Variants in ITSN2 observed in about 807,000 individuals in gnomAD.
ITSN2 encodes intersectin 2.
In ITSN2, 156 loss-of-function variants were observed where a neutral mutation model predicts 243.7. The observed-to-expected ratio is 0.64, with a 90% CI of 0.56 to 0.73. The LOEUF is 0.73. ITSN2 is among the 30% of genes least tolerant of loss of function. The probability of loss-of-function intolerance (pLI) is 0.00; values close to 1 mark genes in which losing one functional copy is unlikely to be tolerated. For missense variants in ITSN2, 1,801 were observed against 1,996.1 expected, an observed-to-expected ratio of 0.90 and a Z score of 1.86; for synonymous variants, 703 against 699.9, an observed-to-expected ratio of 1.00 and a Z score of -0.07.
At chr2:24,320,998 G>A (rs1416911562) in intron 2 of ITSN2, among the ~76,000 whole-genome samples, 2 of 152,188 alleles carry the variant, frequency 1.3e-5, no homozygotes, top group South Asian at 2.1e-4. Context: ...GTACACTCAT[G>A]AGAAAATTTG....
At chr2:24,331,048 T>A (rs1281089619) in intron 1 of ITSN2, among the ~76,000 whole-genome samples, 2 of 148,938 alleles carry the variant, frequency 1.3e-5, no homozygotes, top group East Asian at 3.9e-4. Flanking sequence ...ATTATAGGCA[T>A]GAGCCACTGC....
intron 29 of ITSN2, among the ~76,000 whole-genome samples, chr2:24,234,221 T>C (rs1671891842): frequency 6.7e-6 from 1 of 149,718 alleles, no homozygotes; most frequent in African/African-American, 2.5e-5. Flanking sequence ...GGCAATACAA[T>C]GGGGCAAAGA....
intron 29 of ITSN2, among the ~76,000 whole-genome samples, chr2:24,232,534 G>T (rs1003454353): frequency 6.6e-6 from 1 of 152,154 alleles, no homozygotes; most frequent in South Asian, 2.1e-4. Flanking sequence ...GTTAATGTGA[G>T]ATGCAGGATA....
In ITSN2 at chr2:24,216,208, G is replaced by C. The variant is rs146336289; in HGVS notation, c.3831C>G (p.Thr1277=). Residue 1277 remains threonine (T), a synonymous_variant, in exon 32 of 40, where the codon ACC becomes ACG. Coordinates refer to ENST00000355123, the MANE Select transcript of ITSN2 (RefSeq NM_006277.3). Reference sequence around the variant, plus strand: ...TCTGCACCGGCATCTTCTCGCCCCCGGTCTTCTTCCGCACCCGCAAAGCCC... The same window carrying C: ...TCTGCACCGGCATCTTCTCGCCCCCCGTCTTCTTCCGCACCCGCAAAGCCC... ...LLKALRVRKK[T]GGEKMPVQMI... 5 of 1,605,068 alleles carry C rather than the reference G, an allele frequency of 3.1e-6. No individual in the cohort carries two copies. The highest frequency in any genetic ancestry group is 3.4e-6 in the Non-Finnish European group (4 of 1,175,838).
chr2:24,337,108 T>C (rs1196209342), intron 1 of ITSN2, among the ~76,000 whole-genome samples: 2 of 150,496 alleles, frequency 1.3e-5, no homozygotes, highest in Non-Finnish European at 3.0e-5. Context: ...TTATTTCCCA[T>C]TGACTTCTGA....
At chr2:24,344,903 G>T (rs1574387288) in intron 1 of ITSN2, among the ~76,000 whole-genome samples, 1 of 152,196 alleles carries the variant, frequency 6.6e-6, no homozygotes, top group Non-Finnish European at 1.5e-5. Flanking sequence ...AGTGAGCCCA[G>T]ATTGCGCCAG....
intron 7 of ITSN2, among the ~76,000 whole-genome samples, chr2:24,309,225 G>A (rs1383112717): frequency 2.0e-5 from 3 of 152,132 alleles, no homozygotes; most frequent in Non-Finnish European, 2.9e-5. Flanking sequence ...ACAGAGTCTC[G>A]CTCTGTTGCC....
chr2:24,315,638 G>A (rs1278767154), intron 2 of ITSN2, among the ~76,000 whole-genome samples: 2 of 152,272 alleles, frequency 1.3e-5, no homozygotes, highest in Non-Finnish European at 2.9e-5. Flanking sequence ...TAATCCCCAC[G>A]TGTCAGAGGA....
intron 1 of ITSN2, chr2:24,334,737 A>G (rs1686159191): frequency 6.3e-7 from 1 of 1,584,298 alleles, no homozygotes. Context: ...GTTGAGCCCA[A>G]CTGCAGATCT....
At position 24,209,126 on chromosome 2, in the gene ITSN2, G is replaced by GATCAAT. The variant is rs1669225375; in HGVS notation, c.4568_4569insATTGAT (p.Leu1524_Arg1525insIleLeu). 6.2e-7 allele frequency: 1 copy of GATCAAT among 1,613,984 alleles called. No homozygotes were observed. The stretch of plus-strand genomic sequence containing the variant: ...TCTCATTAATGTTGTCTGTTCGGAG[G>GATCAAT]GTGTAGACCCGATCAATGTGGGAAA... On this transcript the variant is annotated inframe_insertion, in exon 36 of 40. Transcript: ENST00000355123.
At chr2:24,209,610 C>T (rs1421569287) in intron 35 of ITSN2, among the ~76,000 whole-genome samples, 4 of 152,220 alleles carry the variant, frequency 2.6e-5, no homozygotes, top group Non-Finnish European at 5.9e-5. Context: ...AGAATCTCAG[C>T]TGGAATCTGG....
At position 24,303,808 on chromosome 2, in the gene ITSN2, G is replaced by C; in HGVS notation, c.848C>G (p.Ala283Gly). ...TAAGGGACAAACTTACCAAATAGTA[G>C]CCAGCTGAGTTTGAGAAAGATTTGA... ...LQSNLSQTQL[A>G]TIWTLADVDG... is the part of the protein sequence containing the mutation. The change falls in exon 9 of 40, where the codon GCT (alanine) becomes GGT (glycine). Residue 283 changes from alanine (A) to glycine (G), a missense_variant. This residue lies in a region of ITSN2 where 787 missense variants were observed against 803.9 expected (regional missense o/e 0.98). Coordinates refer to ENST00000355123, the MANE Select transcript of ITSN2 (RefSeq NM_006277.3). 1 of 1,601,118 alleles carries C rather than the reference G, an allele frequency of 6.2e-7. No individual in the cohort carries two copies. The highest frequency in any genetic ancestry group is 8.6e-7 in the Non-Finnish European group (1 of 1,168,258).
intron 37 of ITSN2, 118 bp downstream of exon 37, chr2:24,208,119 C>T: frequency 2.3e-6 from 2 of 875,630 alleles, no homozygotes; most frequent in Non-Finnish European, 3.7e-6. Flanking sequence ...TGGTCTGATC[C>T]CGCAGCAGGT....
chr2:24,208,648 C>T (rs930572645), intron 36 of ITSN2, among the ~76,000 whole-genome samples: 3 of 152,162 alleles, frequency 2.0e-5, no homozygotes, highest in African/African-American at 7.2e-5. Flanking sequence ...GGGTTGGCGC[C>T]GCGGAGGCAC....
intron 3 of ITSN2, among the ~76,000 whole-genome samples, chr2:24,313,984 G>A (rs1683595324): frequency 6.6e-6 from 1 of 152,162 alleles, no homozygotes; most frequent in East Asian, 1.9e-4. Flanking sequence ...TCAGAATTGG[G>A]TTTGTAATGA....
chr2:24,259,880 T>C (rs894754492), intron 22 of ITSN2, among the ~76,000 whole-genome samples: 11 of 152,182 alleles, frequency 7.2e-5, no homozygotes, highest in Admixed American at 1.3e-4. Context: ...TATATGTCTG[T>C]CATGTTCATT....
intron 18 of ITSN2, among the ~76,000 whole-genome samples, chr2:24,274,058 A>C (rs1438928713): frequency 1.3e-5 from 2 of 152,198 alleles, no homozygotes; most frequent in African/African-American, 4.8e-5. Context: ...TTTGGCCTGA[A>C]AGGAATTGTG....
At chr2:24,354,995 T>C (rs886969107) in intron 1 of ITSN2, among the ~76,000 whole-genome samples, 2 of 152,230 alleles carry the variant, frequency 1.3e-5, no homozygotes, top group African/African-American at 4.8e-5. Flanking sequence ...TGAAATATGC[T>C]GCCCTCTTGG....
At position 24,310,493 on chromosome 2, in the gene ITSN2, A is replaced by G. The variant is rs770503287; in HGVS notation, c.552T>C (p.Ser184=). 11 of 1,613,770 alleles carry G rather than the reference A, an allele frequency of 6.8e-6. No individual in the cohort carries two copies. In the South Asian group the frequency reaches 1.2e-4, roughly 18 times the overall value. Residue 184 remains serine (S), a synonymous_variant, in exon 6 of 40, where the codon TCT becomes TCC. Transcript: ENST00000355123. ...LIQPLPIPYS[S]STLPHGSSYS... ...CTTTAGAAACAAAGTACTCACTTGA[A>G]GAAGAATAAGGAATGGGTAAAGGCT... is the stretch of plus-strand genomic sequence containing the variant.
Sources: gnomAD v4.1 joint callset for allele counts (sites outside exome capture counted in the v4.1 genomes callset) on GRCh38, gnomAD v4.1.1 for gene constraint, gnomAD v4.1.1 regional missense constraint, MANE v1.5 for transcripts, NCBI Gene and HGNC (gene_info 2026-07-23, HGNC 2026-07-21) for gene names.